The following APP variants were observed in gnomAD, a reference collection of about 807,000 sequenced individuals.
The protein encoded by APP is amyloid-beta precursor protein.
A neutral mutation model predicts 101.4 loss-of-function variants in APP; 31 were observed. The observed-to-expected ratio is 0.31, with a 90% CI of 0.23 to 0.41. APP has a LOEUF of 0.41. Among genes scored for constraint, APP ranks in the 10% least tolerant of loss-of-function variants. APP has a pLI of 1.00. For synonymous variants in APP, 366 were observed against 364.4 expected (o/e 1.00, Z -0.05); for missense variants, 839 against 1,003.7 (o/e 0.84, Z 2.22).
chr21:26,127,131 T>A lies in APP; in HGVS notation c.58-14985A>T, dbSNP rs966594446. ...AAATAATTTTATTGTATTAACTCCCTGTGGGTCAATTTATAATAGTAATCT... is the reference window on the plus strand; with the variant it reads ...AAATAATTTTATTGTATTAACTCCCAGTGGGTCAATTTATAATAGTAATCT... On this transcript the variant is annotated intron_variant, in intron 1 of 17. Transcript: ENST00000346798. 5.3e-5 allele frequency among the ~76,000 whole-genome samples: 8 copies of A among 152,222 alleles called. No individual in the cohort carries two copies. The East Asian group carries it at 1.5e-3, about 29-fold the overall frequency.
chr21:26,155,265 C>CA (rs999058122), intron 1 of APP, among the ~76,000 whole-genome samples: 5 of 151,102 alleles, frequency 3.3e-5, no homozygotes, highest in Non-Finnish European at 5.9e-5. Context: ...GACTCCGTCT[C>CA]AAAAAAATAG....
intron 16 of APP, among the ~76,000 whole-genome samples, chr21:25,893,643 TGA>T (rs1412439873): frequency 6.6e-6 from 1 of 152,066 alleles, no homozygotes; most frequent in East Asian, 1.9e-4. Flanking sequence ...CTATGAAGGA[TGA>T]GAGAGGTGAA....
intron 1 of APP, among the ~76,000 whole-genome samples, chr21:26,145,468 C>T (rs1270693314): frequency 1.3e-5 from 2 of 152,146 alleles, no homozygotes; most frequent in Non-Finnish European, 2.9e-5. Flanking sequence ...GAATCTACTG[C>T]CAGGAAGCAG....
chr21:25,995,345 C>G (rs755277974), intron 8 of APP, among the ~76,000 whole-genome samples: 8 of 152,198 alleles, frequency 5.3e-5, no homozygotes, highest in Non-Finnish European at 1.0e-4. Context: ...CCTCTTTTCA[C>G]TGTTTTCTGT....
chr21:25,971,537 G>A lies in APP; in HGVS notation c.1458+3533C>T, dbSNP rs1417683657. 2.6e-5 allele frequency among the ~76,000 whole-genome samples: 4 copies of A among 152,204 alleles called. No homozygotes were observed. In the East Asian group the frequency reaches 7.7e-4, roughly 29 times the overall value. On this transcript the variant is annotated intron_variant, in intron 11 of 17. Transcript: ENST00000346798. ...GACATGAAGTGTGTGGAGAGATCAA[G>A]GTAGTTGTAATTCACAGGACAGGGT...
intron 5 of APP, among the ~76,000 whole-genome samples, chr21:26,029,350 C>T (rs1024746456): frequency 1.3e-5 from 2 of 151,940 alleles, no homozygotes; most frequent in African/African-American, 4.8e-5. Context: ...AAAGGTGGCT[C>T]ACAAGGCAAG....
At chr21:26,125,062 A>T (rs970928525) in intron 1 of APP, among the ~76,000 whole-genome samples, 1 of 152,160 alleles carries the variant, frequency 6.6e-6, no homozygotes, top group Non-Finnish European at 1.5e-5. Context: ...GGAGAAGGAG[A>T]AGGAAGGCAG....
chr21:26,105,619 A>G (rs2146183381), intron 2 of APP, among the ~76,000 whole-genome samples: 1 of 152,350 alleles, frequency 6.6e-6, no homozygotes. Flanking sequence ...TATAAAAGAA[A>G]AACACCAGAA....
In APP at chr21:25,991,471, G is replaced by A. The variant is rs569068938; in HGVS notation, c.1090+5889C>T. Among the ~76,000 whole-genome samples the A allele has an allele frequency of 7.9e-5, 12 of 152,178 alleles. No individual in the cohort carries two copies. In the East Asian group the frequency reaches 1.9e-3, roughly 25 times the overall value. On this transcript the variant is annotated intron_variant, in intron 8 of 17. Transcript: ENST00000346798. ...CAGCTCACTGCAACCTCTGCCTCCC[G>A]GGTTCAAGTGATTCTCCTGCCTCAG... is the stretch of plus-strand genomic sequence containing the variant.
At chr21:25,957,382 C>T (rs185011395) in intron 11 of APP, among the ~76,000 whole-genome samples, 149 of 152,214 alleles carry the variant, frequency 9.8e-4, no homozygotes, top group African/African-American at 3.5e-3. Context: ...CATTTGAAAA[C>T]ATCAGAGATT....
At chr21:26,113,204 CAAG>C (rs1207395258) in intron 1 of APP, among the ~76,000 whole-genome samples, 1 of 152,232 alleles carries the variant, frequency 6.6e-6, no homozygotes, top group East Asian at 1.9e-4. Context: ...ACACCCATGC[CAAG>C]AAGAATTAAC....
chr21:26,019,006 T>C (rs2044218763), intron 6 of APP, among the ~76,000 whole-genome samples: 1 of 152,190 alleles, frequency 6.6e-6, no homozygotes, highest in African/African-American at 2.4e-5. Context: ...ATGAGACCAA[T>C]TTATCTCAAG....
chr21:25,988,216 C>T (rs2042711120), intron 8 of APP, among the ~76,000 whole-genome samples: 1 of 151,976 alleles, frequency 6.6e-6, no homozygotes, highest in Non-Finnish European at 1.5e-5. Flanking sequence ...ATGGCCAGAG[C>T]TAAAGAAGCA....
At chr21:26,145,941 AC>A (rs1406792880) in intron 1 of APP, among the ~76,000 whole-genome samples, 1 of 152,240 alleles carries the variant, frequency 6.6e-6, no homozygotes, top group South Asian at 2.1e-4. Context: ...CTTAGTTGAT[AC>A]AAATAATGCT....
rs201535029 is a variant in APP, at chr21:25,969,894, T to TAGAGA, written c.1458+5171_1458+5175dup. 7.0e-3 allele frequency among the ~76,000 whole-genome samples: 22 copies of TAGAGA among 3,144 alleles called. 1 individual carries two copies. The highest frequency in any genetic ancestry group is 0.015 in the South Asian group (1 of 68). The allele number at this position is 3,144 out of a possible 152,430, so 2.1% of individuals were successfully genotyped here. A position where few individuals can be genotyped will look rare whatever the true frequency, so the allele number is the denominator to read the frequency against. ...GAAAAGAGAAAAGAAAAGAGAAGAT[T>TAGAGA]AGAGAAGAGAAGAGGGGAGGGGAAG... On this transcript the variant is annotated intron_variant, in intron 11 of 17. Transcript: ENST00000346798.
chr21:25,972,707 A>T (rs2042078104), intron 11 of APP, among the ~76,000 whole-genome samples: 1 of 152,142 alleles, frequency 6.6e-6, no homozygotes, highest in Admixed American at 6.5e-5. Flanking sequence ...AGTCTCTAAG[A>T]CATTTTAAAG....
At chr21:26,026,303 A>G (rs116184837) in intron 5 of APP, among the ~76,000 whole-genome samples, 3,229 of 152,310 alleles carry the variant, frequency 0.021, 102 homozygotes, top group African/African-American at 0.074. Context: ...TTTACAGAAC[A>G]AGGGAACCAT....
chr21:25,972,495 G>A (rs216768), intron 11 of APP, among the ~76,000 whole-genome samples: 152,320 of 152,320 alleles, frequency 1, 76,160 homozygotes, highest in Non-Finnish European at 1. Context: ...GGACATTTTT[G>A]GTCAAAGCCA....
chr21:25,981,013 T>C (rs1782980), intron 9 of APP, among the ~76,000 whole-genome samples: 8,641 of 152,246 alleles, frequency 0.057, 329 homozygotes, highest in South Asian at 0.091. Flanking sequence ...AGGTTGTCCC[T>C]AGTGGTCTGG....
Sources: allele counts gnomAD v4.1 joint callset (sites outside exome capture counted in the v4.1 genomes callset), GRCh38; gene constraint gnomAD v4.1.1; transcripts MANE v1.5; gene names NCBI Gene and HGNC (gene_info 2026-07-23, HGNC 2026-07-21).